Variants in PLXNA4 observed in about 807,000 individuals in gnomAD.
The protein encoded by PLXNA4 is plexin A4.
Under a neutral mutation model 191.8 loss-of-function variants are expected in PLXNA4, and 44 were observed. The ratio of observed to expected loss-of-function variants is 0.23; its 90% CI spans 0.18 to 0.29. The LOEUF (loss-of-function observed/expected upper bound fraction) is 0.29. Ranked by LOEUF, PLXNA4 falls within the 10% of genes least tolerant of loss-of-function variation. The pLI, the probability that PLXNA4 is intolerant of heterozygous loss-of-function variation, is 1.00. For missense variants in PLXNA4, 1,800 were observed against 2,488.8 expected (o/e 0.72, Z 5.89); for synonymous variants, 1,082 against 1,009.5 (o/e 1.07, Z -1.36).
chr7:132,621,400 A>G (rs773866379), intron 2 of PLXNA4, among the ~76,000 whole-genome samples: 6 of 151,998 alleles, frequency 3.9e-5, no homozygotes, highest in Non-Finnish European at 5.9e-5. Context: ...AGCTAGGACT[A>G]CAGGCGCATG....
At chr7:132,384,533 A>G (rs978602031) in intron 3 of PLXNA4, 11 of 986,836 alleles carry the variant, frequency 1.1e-5, no homozygotes, top group Middle Eastern at 5.2e-4. Flanking sequence ...GGACAACACC[A>G]ATTAACTTTT....
chr7:132,450,230 G>A (rs879486783), intron 3 of PLXNA4, among the ~76,000 whole-genome samples: 2 of 152,156 alleles, frequency 1.3e-5, no homozygotes, highest in Non-Finnish European at 2.9e-5. Flanking sequence ...ATTTAATGCA[G>A]CCACACAGTG....
intron 2 of PLXNA4, among the ~76,000 whole-genome samples, chr7:132,490,656 A>G (rs1797760220): frequency 6.6e-6 from 1 of 151,912 alleles, no homozygotes; most frequent in African/African-American, 2.4e-5. Flanking sequence ...CAAACCCCTG[A>G]GCTCAAGCAA....
intron 3 of PLXNA4, among the ~76,000 whole-genome samples, chr7:132,463,799 T>G (rs1261071009): frequency 6.6e-6 from 1 of 152,230 alleles, no homozygotes; most frequent in East Asian, 1.9e-4. Context: ...CACAAGGGCT[T>G]CCTGAGCAGA....
chr7:132,170,433 G>A (rs1584790292), intron 21 of PLXNA4, among the ~76,000 whole-genome samples: 1 of 152,318 alleles, frequency 6.6e-6, no homozygotes, highest in South Asian at 2.1e-4. Flanking sequence ...GGTATGAAAA[G>A]CTGATGCACA....
rs111830238 is a variant in PLXNA4 at position 132,457,815 on chromosome 7, G to A, written c.1371+31477C>T. On this transcript the variant is annotated intron_variant, in intron 3 of 31. Coordinates refer to ENST00000321063, the MANE Select transcript of PLXNA4 (RefSeq NM_020911.2). The stretch of plus-strand genomic sequence containing the variant: ...GAAAGAGATTTAAAGATGCTATGCC[G>A]TTGGCTTTGAAGATGCAAAAGGAGC... Among the ~76,000 whole-genome samples the A allele has an allele frequency of 8.0e-3, 1,212 of 152,286 alleles. 15 individuals carry two copies. Among genetic ancestry groups the A allele is most frequent in the African/African-American group, 0.028 (1,154 of 41,552 alleles).
At chr7:132,365,190 T>C (rs971949603) in intron 3 of PLXNA4, among the ~76,000 whole-genome samples, 3 of 152,194 alleles carry the variant, frequency 2.0e-5, no homozygotes, top group African/African-American at 7.2e-5. Context: ...TTCATTTAAC[T>C]GCTCCTTCAA....
At chr7:132,221,653 G>A (rs548511759) in intron 9 of PLXNA4, among the ~76,000 whole-genome samples, 43 of 152,248 alleles carry the variant, frequency 2.8e-4, no homozygotes, top group Middle Eastern at 3.4e-3. Context: ...CTTTGTTAAA[G>A]TAGAGAACTG....
At chr7:132,551,936 T>C (rs1285299042) in intron 1 of PLXNA4, among the ~76,000 whole-genome samples, 1 of 151,864 alleles carries the variant, frequency 6.6e-6, no homozygotes. Flanking sequence ...CTGAATGGAA[T>C]CAATGAGACA....
At chr7:132,256,067 G>A (rs74654364) in intron 4 of PLXNA4, among the ~76,000 whole-genome samples, 1,956 of 152,316 alleles carry the variant, frequency 0.013, 21 homozygotes, top group Non-Finnish European at 0.019. Flanking sequence ...ACAAGAGGCC[G>A]TGCTGTGTGC....
At chr7:132,607,451 C>G (rs1802948304) in intron 2 of PLXNA4, among the ~76,000 whole-genome samples, 1 of 152,186 alleles carries the variant, frequency 6.6e-6, no homozygotes, top group Non-Finnish European at 1.5e-5. Context: ...CAAATCCATA[C>G]TGAGCAGATG....
intron 2 of PLXNA4, among the ~76,000 whole-genome samples, chr7:132,502,201 C>T (rs148085565): frequency 5.3e-4 from 81 of 152,306 alleles, no homozygotes; most frequent in African/African-American, 1.8e-3. Context: ...ACCACCCAGA[C>T]TGGAATGTGA....
At chr7:132,259,440 A>AAAAAAAAAAAAAAAAAAAAG (rs1799547635) in intron 4 of PLXNA4, among the ~76,000 whole-genome samples, 1 of 26,348 alleles carries the variant, frequency 3.8e-5, no homozygotes, top group African/African-American at 3.5e-4. Flanking sequence ...CCAACTCAAA[A>AAAAAAAAAAAAAAAAAAAAG]AAAAAAAAAA....
At chr7:132,229,038 G>C (rs1798433273) in intron 5 of PLXNA4, among the ~76,000 whole-genome samples, 1 of 152,100 alleles carries the variant, frequency 6.6e-6, no homozygotes, top group Admixed American at 6.5e-5. Flanking sequence ...TAATAAGTCT[G>C]GAATTTCTTA....
intron 1 of PLXNA4, among the ~76,000 whole-genome samples, chr7:132,530,357 A>C (rs1047544143): frequency 6.6e-6 from 1 of 152,218 alleles, no homozygotes; most frequent in Non-Finnish European, 1.5e-5. Context: ...CAAATCAACT[A>C]TCTGATAAGA....
At chr7:132,494,511 C>G (rs971519124) in intron 2 of PLXNA4, among the ~76,000 whole-genome samples, 1 of 152,108 alleles carries the variant, frequency 6.6e-6, no homozygotes, top group Non-Finnish European at 1.5e-5. Flanking sequence ...CATCCCGACT[C>G]GGGAGCAGGA....
intron 21 of PLXNA4, 101 bp from the exon 22 acceptor site, chr7:132,168,673 C>A (rs79790908): frequency 0.068 from 96,900 of 1,430,716 alleles, 3,781 homozygotes; most frequent in Non-Finnish European, 0.075. Context: ...CTCTCATCCA[C>A]CAATTAAGCC....
Position 132,489,436 on chromosome 7 carries a change from C to A in PLXNA4, c.1227G>T (p.Met409Ile), listed in dbSNP as rs1279187396. The A allele has an allele frequency of 1.3e-6, 2 of 1,586,562 alleles. No individual in the cohort carries two copies. Among genetic ancestry groups the A allele is most frequent in the East Asian group, 2.3e-5 (1 of 44,084 alleles). ...TGTCGGACACTCCCAGGGGAGCATT[C>A]ATGTCCAGGCCACAGAAGTTATCGT... ...TIDDNFCGLD[M>I]NAPLGVSDMV... Residue 409 changes from methionine (M) to isoleucine (I), a missense_variant, in exon 3 of 32, where the codon ATG becomes ATT. Physicochemically the swap from Met to Ile is conservative, Grantham distance 10. Coordinates refer to ENST00000321063, the MANE Select transcript of PLXNA4 (RefSeq NM_020911.2).
intron 2 of PLXNA4, among the ~76,000 whole-genome samples, chr7:132,585,953 G>A (rs1802498164): frequency 6.6e-6 from 1 of 152,224 alleles, no homozygotes; most frequent in African/African-American, 2.4e-5. Flanking sequence ...AACAAACTTG[G>A]TTAGGCTGGT....
Sources: allele counts gnomAD v4.1 joint callset (sites outside exome capture counted in the v4.1 genomes callset), GRCh38; gene constraint gnomAD v4.1.1; transcripts MANE v1.5; gene names NCBI Gene and HGNC (gene_info 2026-07-23, HGNC 2026-07-21).